MYO18A: variants seen among roughly 807,000 people sequenced by gnomAD.
MYO18A encodes the protein myosin XVIIIA.
MYO18A carries 78 observed loss-of-function variants against 235.8 expected under a neutral mutation model. The ratio of observed to expected loss-of-function variants is 0.33; its 90% CI spans 0.28 to 0.40. The LOEUF (loss-of-function observed/expected upper bound fraction) is 0.40, where lower values mean the gene tolerates loss of function less well. MYO18A is among the 10% of genes least tolerant of loss of function. The probability of loss-of-function intolerance (pLI) is 1.00; values close to 1 mark genes in which losing one functional copy is unlikely to be tolerated. For synonymous variants in MYO18A, 977 were observed against 1,077.8 expected (o/e 0.91, Z 1.83); for missense variants, 2,215 against 2,699.3 (o/e 0.82, Z 3.98).
At position 29,110,267 on chromosome 17, in the gene MYO18A, C is replaced by T. The variant is rs547998962; in HGVS notation, c.3088-166G>A. Among the ~76,000 whole-genome samples, 4 of 152,344 alleles carry T rather than the reference C, an allele frequency of 2.6e-5. No individual in the cohort carries two copies. The South Asian group carries it at 8.3e-4, about 32-fold the overall frequency. On this transcript the variant is annotated intron_variant, in intron 18 of 41. Transcript: ENST00000527372. ...TGCCCTCGCCGGGCCTCGGTGGCCACTCACAGGTGGCAGCACTGAAAAGAA... is the reference window on the plus strand; with the variant it reads ...TGCCCTCGCCGGGCCTCGGTGGCCATTCACAGGTGGCAGCACTGAAAAGAA...
At position 29,121,277 on chromosome 17, in the gene MYO18A, C is replaced by T. The variant is rs1365135902; in HGVS notation, c.1372-66G>A. The T allele has an allele frequency of 4.7e-6, 7 of 1,487,960 alleles. No homozygotes were observed. The highest frequency in any genetic ancestry group is 5.5e-6 in the Non-Finnish European group (6 of 1,094,582). The allele number at this position is 1,487,960 out of a possible 1,614,324, so 92.2% of individuals were successfully genotyped here. A position where few individuals can be genotyped will look rare whatever the true frequency, so the allele number is the denominator to read the frequency against. On this transcript the variant is annotated intron_variant, in intron 5 of 41. Coordinates refer to ENST00000527372, the MANE Select transcript of MYO18A (RefSeq NM_078471.4). The surrounding 1 kb of genome is among the most constrained non-coding windows in gnomAD (Gnocchi z 4.2). ...GCTGATCCCATTAAGACACCCCTCA[C>T]CCCCAAGGTCCACATCTTTCTGGAT...
At chr17:29,107,851 G>A (rs994643362) in intron 19 of MYO18A, among the ~76,000 whole-genome samples, 2 of 151,372 alleles carry the variant, frequency 1.3e-5, no homozygotes, top group African/African-American at 2.4e-5. Context: ...AGGAGGCAGA[G>A]GCTGCAGTGA....
At chr17:29,083,322 C>T (rs922174864) in intron 40 of MYO18A, among the ~76,000 whole-genome samples, 3 of 152,102 alleles carry the variant, frequency 2.0e-5, no homozygotes, top group African/African-American at 7.2e-5. Context: ...CATGGCCACC[C>T]CCTCATGAAG....
Position 29,095,064 on chromosome 17 carries a change from G to A in MYO18A, c.4386-5C>T, listed in dbSNP as rs200708244. On this transcript the variant is annotated splice_region_variant and splice_polypyrimidine_tract_variant and intron_variant, in intron 28 of 41. Transcript: ENST00000527372. Reference sequence around the variant, plus strand: ...TGCGAGAGCTCACTGTCAAACCTGCGAGGGAGTGTGGCGGCTCCATCAGAT... The same window carrying A: ...TGCGAGAGCTCACTGTCAAACCTGCAAGGGAGTGTGGCGGCTCCATCAGAT... 1.9e-5 allele frequency: 29 copies of A among 1,528,556 alleles called. No homozygotes were observed. The highest frequency in any genetic ancestry group is 1.5e-4 in the African/African-American group (11 of 72,384). The allele number at this position is 1,528,556 out of a possible 1,614,324, so 94.7% of individuals were successfully genotyped here.
intron 41 of MYO18A, among the ~76,000 whole-genome samples, chr17:29,081,389 A>G (rs2066119513): frequency 6.6e-6 from 1 of 152,166 alleles, no homozygotes; most frequent in Non-Finnish European, 1.5e-5. Context: ...TGCAATAACA[A>G]AATGTTGTTT....
chr17:29,172,240 G>A (rs2068422104), intron 1 of MYO18A, among the ~76,000 whole-genome samples: 3 of 152,226 alleles, frequency 2.0e-5, no homozygotes, highest in Admixed American at 6.5e-5. Flanking sequence ...TTGGAAGGCC[G>A]AGGAGGGCAG....
chr17:29,145,310 G>A (rs192536840), intron 2 of MYO18A, among the ~76,000 whole-genome samples: 1 of 152,276 alleles, frequency 6.6e-6, no homozygotes, highest in East Asian at 1.9e-4. Context: ...GGGGAACAAG[G>A]GGATCTCCAT....
chr17:29,175,701 A>G (rs2068509221), intron 1 of MYO18A, among the ~76,000 whole-genome samples: 1 of 151,946 alleles, frequency 6.6e-6, no homozygotes, highest in African/African-American at 2.4e-5. Context: ...ATAAGATGAT[A>G]TTTTATAAAA....
chr17:29,080,777 G>C, intron 41 of MYO18A: 1 of 985,500 alleles, frequency 1.0e-6, no homozygotes, highest in Non-Finnish European at 1.2e-6. Flanking sequence ...CACTCCTCCG[G>C]CTCCTCGGAC....
intron 41 of MYO18A, chr17:29,076,530 GAATT>G (rs755712507): frequency 6.6e-6 from 1 of 152,120 alleles, no homozygotes; most frequent in Non-Finnish European, 1.5e-5. Flanking sequence ...TCTCATGAAT[GAATT>G]ACCATTTTTA....
Position 29,111,989 on chromosome 17 carries a change from C to T in MYO18A, c.2599-126G>A, listed in dbSNP as rs975360660. ...TGCACACATGCACACACGCACATGC[C>T]GCAGCTCCTGCCGCTCACTGCTGAC... On this transcript the variant is annotated intron_variant, in intron 15 of 41. Coordinates refer to ENST00000527372, the MANE Select transcript of MYO18A (RefSeq NM_078471.4). This position sits in a 1 kb window ranked among gnomAD's most constrained non-coding sequence, Gnocchi z 5.1. The T allele has an allele frequency of 1.1e-5, 14 of 1,221,304 alleles. No individual in the cohort carries two copies. The East Asian group carries it at 1.5e-4, about 13-fold the overall frequency. 75.7% of individuals were successfully genotyped at this position (1,221,304 alleles called of 1,614,324 possible). A position where few individuals can be genotyped will look rare whatever the true frequency, so the allele number is the denominator to read the frequency against.
chr17:29,157,249 G>A (rs879646538), intron 2 of MYO18A, among the ~76,000 whole-genome samples: 1 of 152,160 alleles, frequency 6.6e-6, no homozygotes, highest in Non-Finnish European at 1.5e-5. Flanking sequence ...GCTCCCACAA[G>A]ATTGAATCCT....
In MYO18A at chr17:29,111,552, T is replaced by G; in HGVS notation, c.2772A>C (p.Pro924=). Residue 924 remains proline, a synonymous_variant, in exon 17 of 42, where the codon CCA becomes CCC. Coordinates refer to ENST00000527372, the MANE Select transcript of MYO18A (RefSeq NM_078471.4). The surrounding 1 kb of genome is among the most constrained non-coding windows in gnomAD (Gnocchi z 5.1). ...GQSPLLHSSK[P]HHFLLGHSHG... is the part of the protein sequence containing the mutation. ...GGCTGTGGCCCAGGAGAAAGTGGTG[T>G]GGTTTGCTGCTGTGCAGAAGGGGGC... is the stretch of plus-strand genomic sequence containing the variant. 6.2e-7 allele frequency: 1 copy of G among 1,613,828 alleles called. No individual in the cohort carries two copies. Among genetic ancestry groups the G allele is most frequent in the African/African-American group, 1.3e-5 (1 of 75,006 alleles).
intron 2 of MYO18A, among the ~76,000 whole-genome samples, chr17:29,130,010 C>T (rs1314192192): frequency 2.0e-5 from 3 of 152,252 alleles, no homozygotes; most frequent in East Asian, 1.9e-4. Flanking sequence ...AAGATGATGA[C>T]GATGGGCCAG....
intron 38 of MYO18A, 63 bp from the exon 39 acceptor site, chr17:29,086,640 A>C: frequency 6.4e-7 from 1 of 1,573,740 alleles, no homozygotes; most frequent in Non-Finnish European, 8.6e-7. Flanking sequence ...TGGCCAGAAG[A>C]AGCCTGCTTC....
intron 1 of MYO18A, among the ~76,000 whole-genome samples, chr17:29,175,250 G>A (rs772553416): frequency 6.6e-5 from 10 of 151,890 alleles, no homozygotes; most frequent in Non-Finnish European, 1.2e-4. Context: ...CACCGCACTC[G>A]GGCTATATTT....
intron 2 of MYO18A, among the ~76,000 whole-genome samples, chr17:29,137,543 C>G (rs8067915): frequency 0.48 from 72,421 of 152,072 alleles, 18,938 homozygotes; most frequent in African/African-American, 0.7. Context: ...CTCTGGCCTA[C>G]CCATTCCATC....
Position 29,140,319 on chromosome 17 carries a change from G to T in MYO18A, c.1000-18066C>A. Reference sequence around the variant, plus strand: ...AGGAGCCTGGGACATTTCCGGGGTGGGGGGTCAGAGGGACACTCACCCGCA... The same window carrying T: ...AGGAGCCTGGGACATTTCCGGGGTGTGGGGTCAGAGGGACACTCACCCGCA... On this transcript the variant is annotated intron_variant, in intron 2 of 41. Transcript: ENST00000527372. The surrounding 1 kb of genome is among the most constrained non-coding windows in gnomAD (Gnocchi z 4.2). 1 of 1,235,260 alleles carries T rather than the reference G, an allele frequency of 8.1e-7. No individual in the cohort carries two copies. The highest frequency in any genetic ancestry group is 1.0e-6 in the Non-Finnish European group (1 of 963,182). The allele number at this position is 1,235,260 out of a possible 1,614,324, so 76.5% of individuals were successfully genotyped here.
At chr17:29,094,466 C>A (rs181745039) in intron 30 of MYO18A, 184 bp downstream of exon 30, 112 of 653,626 alleles carry the variant, frequency 1.7e-4, no homozygotes, top group Non-Finnish European at 1.9e-4. Context: ...GAAAGTTCCA[C>A]GAGCGCGTCT....
Sources: allele counts gnomAD v4.1 joint callset (sites outside exome capture counted in the v4.1 genomes callset), GRCh38; gene constraint gnomAD v4.1.1; non-coding constraint Gnocchi (gnomAD v3.1); transcripts MANE v1.5; gene names NCBI Gene and HGNC (gene_info 2026-07-23, HGNC 2026-07-21).